The following PLPPR5 variants were observed in gnomAD, a reference collection of about 807,000 sequenced individuals.
PLPPR5 encodes phospholipid phosphatase related 5.
PLPPR5 carries 16 observed loss-of-function variants against 33.9 expected under a neutral mutation model. That is an observed-to-expected ratio of 0.47 (90% CI 0.32 to 0.72). PLPPR5 has a LOEUF of 0.72. Among genes scored for constraint, PLPPR5 ranks in the 30% least tolerant of loss-of-function variants. The pLI is 0.03. For missense variants in PLPPR5, 301 were observed against 406.7 expected (o/e 0.74, Z 2.23); for synonymous variants, 163 against 150.3 (o/e 1.08, Z -0.62).
At chr1:98,908,787 C>T (rs968325858) in intron 5 of PLPPR5, among the ~76,000 whole-genome samples, 1 of 152,110 alleles carries the variant, frequency 6.6e-6, no homozygotes, top group Non-Finnish European at 1.5e-5. Flanking sequence ...TGAGAGCTAT[C>T]GCCAAGATTT....
At chr1:98,903,462 T>C (rs1011796326) in intron 5 of PLPPR5, among the ~76,000 whole-genome samples, 1 of 152,176 alleles carries the variant, frequency 6.6e-6, no homozygotes, top group Non-Finnish European at 1.5e-5. Flanking sequence ...TAATGTATAA[T>C]CATATTTGTC....
In PLPPR5 at chr1:98,996,101, C is replaced by G. The variant is rs932935925; in HGVS notation, c.237+8334G>C. Among the ~76,000 whole-genome samples, 12 of 152,044 alleles carry G rather than the reference C, an allele frequency of 7.9e-5. No homozygotes were observed. The East Asian group carries it at 1.9e-3, about 25-fold the overall frequency. The stretch of plus-strand genomic sequence containing the variant: ...AATGCAGTTATTCAACTGACAGAGT[C>G]CAAGAGACCTACATAAAGGCATTGG... On this transcript the variant is annotated intron_variant, in intron 1 of 5. Coordinates refer to ENST00000263177, the MANE Select transcript of PLPPR5 (RefSeq NM_001037317.2).
intron 1 of PLPPR5, among the ~76,000 whole-genome samples, chr1:98,960,164 T>C (rs188365401): frequency 1.3e-4 from 20 of 152,046 alleles, no homozygotes; most frequent in African/African-American, 4.6e-4. Flanking sequence ...ACTTCCTGAG[T>C]TAAAACTCCA....
chr1:98,942,802 G>A (rs1258845265), intron 3 of PLPPR5, among the ~76,000 whole-genome samples: 1 of 152,180 alleles, frequency 6.6e-6, no homozygotes, highest in Non-Finnish European at 1.5e-5. Context: ...CTTGAGGGGT[G>A]GACACCTCAT....
At chr1:99,004,866 A>G (rs1425004027), upstream of PLPPR5, 1 of 243,710 alleles carries the variant, frequency 4.1e-6, no homozygotes. Flanking sequence ...CAGGCTGCAG[A>G]GGAGGCGGCT....
In PLPPR5 at chr1:98,981,511, C is replaced by T. The variant is rs1057466764; in HGVS notation, c.237+22924G>A. The stretch of plus-strand genomic sequence containing the variant: ...ACCTTCTCTTTCATGATTGCCTCTT[C>T]CATTTTTCTCACTCCACTCCACCTC... On this transcript the variant is annotated intron_variant, in intron 1 of 5. Transcript: ENST00000263177. Among the ~76,000 whole-genome samples, 4 of 152,010 alleles carry T rather than the reference C, an allele frequency of 2.6e-5. No individual in the cohort carries two copies. In the South Asian group the frequency reaches 6.2e-4, roughly 24 times the overall value.
chr1:98,923,331 A>G (rs1278055204), intron 3 of PLPPR5, among the ~76,000 whole-genome samples: 1 of 152,240 alleles, frequency 6.6e-6, no homozygotes, highest in Non-Finnish European at 1.5e-5. Context: ...TTATGGTATA[A>G]ACGTCAATAA....
intron 1 of PLPPR5, among the ~76,000 whole-genome samples, chr1:98,961,645 G>C (rs1651255682): frequency 1.3e-5 from 2 of 152,106 alleles, no homozygotes; most frequent in Admixed American, 1.3e-4. Context: ...GCTTAGCACA[G>C]TACTAGGCAC....
chr1:98,922,906 A>T (rs1320777609), intron 3 of PLPPR5, among the ~76,000 whole-genome samples: 1 of 152,014 alleles, frequency 6.6e-6, no homozygotes, highest in African/African-American at 2.4e-5. Context: ...AATGGCATGA[A>T]CCCAGAAGGC....
intron 5 of PLPPR5, among the ~76,000 whole-genome samples, chr1:98,912,496 T>A (rs1195597715): frequency 6.6e-6 from 1 of 152,110 alleles, no homozygotes; most frequent in East Asian, 1.9e-4. Context: ...TTTCATTTGG[T>A]GAGAAGGGGT....
At chr1:98,998,424 T>A (rs1652705844) in intron 1 of PLPPR5, among the ~76,000 whole-genome samples, 1 of 152,144 alleles carries the variant, frequency 6.6e-6, no homozygotes, top group South Asian at 2.1e-4. Flanking sequence ...TATCTTTGAA[T>A]CCCTTCTGCT....
intron 3 of PLPPR5, among the ~76,000 whole-genome samples, chr1:98,936,107 C>T (rs1385084205): frequency 6.6e-6 from 1 of 152,106 alleles, no homozygotes; most frequent in Non-Finnish European, 1.5e-5. Flanking sequence ...TTTCTTTGAG[C>T]CTCAGTTTTC....
At chr1:98,953,365 G>C (rs955921447) in intron 2 of PLPPR5, 45 bp from the exon 3 acceptor site, 3 of 1,139,286 alleles carry the variant, frequency 2.6e-6, no homozygotes, top group African/African-American at 3.6e-5. Flanking sequence ...TTGTGTGTGT[G>C]TGTGTGTGTG....
At chr1:98,997,893 A>G (rs1230486487) in intron 1 of PLPPR5, among the ~76,000 whole-genome samples, 1 of 152,188 alleles carries the variant, frequency 6.6e-6, no homozygotes, top group Non-Finnish European at 1.5e-5. Flanking sequence ...AATATTTTTC[A>G]GATAAGGAAC....
intron 5 of PLPPR5, among the ~76,000 whole-genome samples, chr1:98,897,977 A>G (rs899127126): frequency 6.6e-6 from 1 of 152,164 alleles, no homozygotes. Flanking sequence ...AAAGTAAAAT[A>G]AATAATTTTT....
At chr1:98,958,315 A>G (rs891890973) in intron 1 of PLPPR5, among the ~76,000 whole-genome samples, 1 of 152,150 alleles carries the variant, frequency 6.6e-6, no homozygotes. Context: ...TAGGTGTTTG[A>G]CCTACTTTTA....
intron 1 of PLPPR5, among the ~76,000 whole-genome samples, chr1:98,990,461 A>C (rs1270430541): frequency 1.3e-5 from 2 of 152,180 alleles, no homozygotes; most frequent in African/African-American, 4.8e-5. Flanking sequence ...TAAAGTTATG[A>C]ATATATGTGC....
At chr1:98,934,632 A>T (rs917893528) in intron 3 of PLPPR5, among the ~76,000 whole-genome samples, 1 of 152,204 alleles carries the variant, frequency 6.6e-6, no homozygotes, top group African/African-American at 2.4e-5. Context: ...TATAAAAGAC[A>T]AGTAAGAATA....
rs1464632892 is a variant in PLPPR5 at position 99,004,452 on chromosome 1, C to T, written c.220G>A (p.Gly74Arg). The T allele has an allele frequency of 6.2e-7, 1 of 1,605,882 alleles. No individual in the cohort carries two copies. Among genetic ancestry groups the T allele is most frequent in the Admixed American group, 1.7e-5 (1 of 59,140 alleles). The change falls in exon 1 of 6, where the codon GGG (glycine) becomes AGG (arginine). Residue 74 changes from glycine (G) to arginine (R), a missense_variant. Coordinates refer to ENST00000263177, the MANE Select transcript of PLPPR5 (RefSeq NM_001037317.2). ...PPVLLYSLAA[G>R]VPVLVIIVGE... ...GGGCTTACCACGAGCACGGGGACCCCGGCGGCCAGCGAGTAGAGGAGCACG... is the reference window on the plus strand; with the variant it reads ...GGGCTTACCACGAGCACGGGGACCCTGGCGGCCAGCGAGTAGAGGAGCACG...
Sources: gnomAD v4.1 joint callset for allele counts (sites outside exome capture counted in the v4.1 genomes callset) on GRCh38, gnomAD v4.1.1 for gene constraint, MANE v1.5 for transcripts, NCBI Gene and HGNC (gene_info 2026-07-23, HGNC 2026-07-21) for gene names.